Variants in TIMD4 observed in about 807,000 individuals in gnomAD.
The protein encoded by TIMD4 is T-cell immunoglobulin and mucin domain-containing protein 4.
In TIMD4, 31 loss-of-function variants were observed where a neutral mutation model predicts 41.2. The ratio of observed to expected loss-of-function variants is 0.75; its 90% CI spans 0.57 to 1.01. The LOEUF is 1.01. Ranked by LOEUF, TIMD4 falls within the 50% of genes least tolerant of loss-of-function variation. The probability of loss-of-function intolerance (pLI) is 0.00; values close to 1 mark genes in which losing one functional copy is unlikely to be tolerated. For synonymous variants in TIMD4, 204 were observed against 177.1 expected, an observed-to-expected ratio of 1.15 and a Z score of -1.21; for missense variants, 479 against 472.5, an observed-to-expected ratio of 1.01 and a Z score of -0.13.
At chr5:156,947,279 A>C (rs145678065) in intron 5 of TIMD4, among the ~76,000 whole-genome samples, 22 of 152,186 alleles carry the variant, frequency 1.4e-4, no homozygotes, top group Non-Finnish European at 2.4e-4. Context: ...AAAGTTAAAC[A>C]AACAGTCATA....
intron 1 of TIMD4, among the ~76,000 whole-genome samples, chr5:156,958,834 A>G (rs1760029494): frequency 6.6e-6 from 1 of 152,200 alleles, no homozygotes; most frequent in Non-Finnish European, 1.5e-5. Context: ...TATTTATTCC[A>G]TGGAATTCTA....
chr5:156,926,808 A>G (rs559668681), intron 5 of TIMD4, among the ~76,000 whole-genome samples: 1 of 152,328 alleles, frequency 6.6e-6, no homozygotes, highest in Admixed American at 6.5e-5. Flanking sequence ...TCTGGGAAAA[A>G]TACAGTATAA....
chr5:156,949,416 CT>C (rs1759809001), intron 4 of TIMD4, among the ~76,000 whole-genome samples: 1 of 108,446 alleles, frequency 9.2e-6, no homozygotes. Flanking sequence ...TTTTCCCTAC[CT>C]CCCTCCTCCT....
chr5:156,945,417 C>G (rs1447789658), intron 5 of TIMD4, among the ~76,000 whole-genome samples: 1 of 152,208 alleles, frequency 6.6e-6, no homozygotes, highest in Non-Finnish European at 1.5e-5. Context: ...CTAATAAAGT[C>G]TCTGACCCTC....
chr5:156,935,083 C>T (rs190820469), intron 5 of TIMD4, among the ~76,000 whole-genome samples: 48 of 151,950 alleles, frequency 3.2e-4, no homozygotes, highest in Non-Finnish European at 6.5e-4. Context: ...GGATCATGGG[C>T]GATATGGTCT....
chr5:156,954,303 T>C, intron 2 of TIMD4, 112 bp downstream of exon 2: 1 of 1,016,938 alleles, frequency 9.8e-7, no homozygotes, highest in Non-Finnish European at 1.4e-6. Context: ...AATTCAATCT[T>C]CCCACTCACT....
At chr5:156,957,033 C>CTT (rs74274013) in intron 1 of TIMD4, among the ~76,000 whole-genome samples, 4 of 139,854 alleles carry the variant, frequency 2.9e-5, no homozygotes, top group Non-Finnish European at 6.3e-5. Context: ...TCACAGTTGG[C>CTT]TTTTTTTTTT....
intron 5 of TIMD4, 96 bp downstream of exon 5, chr5:156,948,320 T>C: frequency 1.5e-6 from 1 of 652,976 alleles, no homozygotes; most frequent in Non-Finnish European, 2.0e-6. Flanking sequence ...AGAACTCATC[T>C]CTACAAAAAA....
chr5:156,949,942 C>A (rs556505479), intron 3 of TIMD4, among the ~76,000 whole-genome samples: 2 of 152,080 alleles, frequency 1.3e-5, no homozygotes, highest in African/African-American at 2.4e-5. Context: ...CTCAGCCTCC[C>A]GAGCAGCTGG....
At chr5:156,960,557 T>C (rs2455422) in intron 1 of TIMD4, among the ~76,000 whole-genome samples, 1 of 151,970 alleles carries the variant, frequency 6.6e-6, no homozygotes, top group Non-Finnish European at 1.5e-5. Flanking sequence ...CAGGCACATG[T>C]CACCACGCCT....
chr5:156,949,806 G>T, intron 3 of TIMD4, 75 bp from the exon 4 acceptor site: 1 of 902,430 alleles, frequency 1.1e-6, no homozygotes, highest in Non-Finnish European at 1.8e-6. Flanking sequence ...TGGGATTTGG[G>T]ATTATCTTTT....
At chr5:156,962,143 G>A (rs138078631) in intron 1 of TIMD4, among the ~76,000 whole-genome samples, 72 of 152,086 alleles carry the variant, frequency 4.7e-4, no homozygotes, top group African/African-American at 1.7e-3. Context: ...TAGAACATGA[G>A]GAAAAAGGGA....
rs748689172 is a variant in TIMD4 at position 156,954,405 on chromosome 5, G to A, written c.400+10C>T. On this transcript the variant is annotated intron_variant, in intron 2 of 8. Transcript: ENST00000274532. ...TCCTTCCGCAGGCATGAGGCCCTTC[G>A]TGTGCTTACCTCTCTGTAGATTCAG... is the stretch of plus-strand genomic sequence containing the variant. 3 of 1,608,008 alleles carry A rather than the reference G, an allele frequency of 1.9e-6. No homozygotes were observed. Among genetic ancestry groups the A allele is most frequent in the Admixed American group, 1.7e-5 (1 of 59,690 alleles).
Position 156,954,678 on chromosome 5 carries a change from G to C in TIMD4, c.137C>G (p.Ser46Cys). 1 of 1,614,232 alleles carries C rather than the reference G, an allele frequency of 6.2e-7. No individual in the cohort carries two copies. ...VTLPCLYSSW[S>C]HNSNSMCWGK... is the part of the protein sequence containing the mutation. Reference sequence around the variant, plus strand: ...CCAGCACATGCTGTTGCTGTTGTGAGACCAGGATGAGTACAGACAGGGCAA... The same window carrying C: ...CCAGCACATGCTGTTGCTGTTGTGACACCAGGATGAGTACAGACAGGGCAA... Residue 46 changes from serine (S) to cysteine (C), a missense_variant, in exon 2 of 9, where the codon TCT becomes TGT. Coordinates refer to ENST00000274532, the MANE Select transcript of TIMD4 (RefSeq NM_138379.3).
chr5:156,927,809 G>T (rs1275694509), intron 5 of TIMD4, among the ~76,000 whole-genome samples: 1 of 152,162 alleles, frequency 6.6e-6, no homozygotes, highest in Non-Finnish European at 1.5e-5. Context: ...GGAAGGAGTG[G>T]AGAAGGGTAA....
intron 5 of TIMD4, among the ~76,000 whole-genome samples, chr5:156,932,241 A>T (rs192178638): frequency 6.6e-5 from 10 of 152,198 alleles, no homozygotes; most frequent in African/African-American, 2.4e-4. Flanking sequence ...TGACTTTTCA[A>T]TGGTAAAATA....
Position 156,922,157 on chromosome 5 carries a change from G to A in TIMD4, c.954C>T (p.Ile318=). 6.2e-7 allele frequency: 1 copy of A among 1,614,076 alleles called. No individual in the cohort carries two copies. The highest frequency in any genetic ancestry group is 8.5e-7 in the Non-Finnish European group (1 of 1,179,970). ...GCACAAATCCCAAGGAGGGGGCGAT[G>A]ATCATCAGTAGTTGGGAGATGGGCA... The part of the protein sequence containing the change: ...NEMPISQLLM[I]IAPSLGFVLF... Residue 318 remains isoleucine, a synonymous_variant, in exon 7 of 9, where the codon ATC becomes ATT. Coordinates refer to ENST00000274532, the MANE Select transcript of TIMD4 (RefSeq NM_138379.3).
At chr5:156,954,089 A>G (rs937747771) in intron 2 of TIMD4, among the ~76,000 whole-genome samples, 6 of 152,214 alleles carry the variant, frequency 3.9e-5, no homozygotes, top group Non-Finnish European at 5.9e-5. Context: ...GGCAACATGT[A>G]AAAAATCAAC....
chr5:156,950,399 A>G (rs1217982539), intron 3 of TIMD4, among the ~76,000 whole-genome samples: 1 of 152,224 alleles, frequency 6.6e-6, no homozygotes, highest in East Asian at 1.9e-4. Flanking sequence ...TAAAACCCAA[A>G]GGAATAAAAA....
Sources: gnomAD v4.1 joint callset for allele counts (sites outside exome capture counted in the v4.1 genomes callset) on GRCh38, gnomAD v4.1.1 for gene constraint, MANE v1.5 for transcripts, NCBI Gene and HGNC (gene_info 2026-07-23, HGNC 2026-07-21) for gene names.